NTN4: variants seen among roughly 807,000 people sequenced by gnomAD.
The protein encoded by NTN4 is netrin 4, also known as netrin-4.
In NTN4, 32 loss-of-function variants were observed where a neutral mutation model predicts 73.6. The ratio of observed to expected loss-of-function variants is 0.44; its 90% CI spans 0.33 to 0.58. The LOEUF (loss-of-function observed/expected upper bound fraction) is 0.58, where lower values mean the gene tolerates loss of function less well. Among genes scored for constraint, NTN4 ranks in the 20% least tolerant of loss-of-function variants. The pLI, the probability that NTN4 is intolerant of heterozygous loss-of-function variation, is 0.04. For missense variants in NTN4, 654 were observed against 798.3 expected, an observed-to-expected ratio of 0.82 and a Z score of 2.18; for synonymous variants, 258 against 287.5, an observed-to-expected ratio of 0.90 and a Z score of 1.04.
At chr12:95,693,284 G>GT (rs140914258) in intron 5 of NTN4, among the ~76,000 whole-genome samples, 23,299 of 147,726 alleles carry the variant, frequency 0.16, 2,311 homozygotes, top group Non-Finnish European at 0.21. Flanking sequence ...TTGTAGATAT[G>GT]TTTTTTTTTT....
At chr12:95,683,797 C>T (rs1592662974) in intron 5 of NTN4, 86 bp from the exon 6 acceptor site, 2 of 918,608 alleles carry the variant, frequency 2.2e-6, no homozygotes, top group East Asian at 5.3e-5. Context: ...CAAGTGGCTT[C>T]CCTTCACCAC....
In NTN4 at chr12:95,708,448, C is replaced by T. The variant is rs543046830; in HGVS notation, c.1180+1993G>A. The stretch of plus-strand genomic sequence containing the variant: ...AACTACAGGCGCCCGCCACCACGCC[C>T]GGCTAATTTTTTGTATTTTTAGTAG... On this transcript the variant is annotated intron_variant, in intron 5 of 9. Coordinates refer to ENST00000343702, the MANE Select transcript of NTN4 (RefSeq NM_021229.4). Among the ~76,000 whole-genome samples, 166 of 151,846 alleles carry T rather than the reference C, an allele frequency of 1.1e-3. 1 individual carries two copies. Among genetic ancestry groups the T allele is most frequent in the Non-Finnish European group, 1.9e-3 (129 of 67,922 alleles).
intron 7 of NTN4, among the ~76,000 whole-genome samples, chr12:95,676,861 T>C (rs995590597): frequency 6.6e-6 from 1 of 151,998 alleles, no homozygotes; most frequent in African/African-American, 2.4e-5. Flanking sequence ...AAAAAGAAGA[T>C]TAAGGACAGA....
intron 5 of NTN4, among the ~76,000 whole-genome samples, chr12:95,709,023 A>C (rs944395389): frequency 3.3e-5 from 5 of 152,204 alleles, no homozygotes; most frequent in African/African-American, 1.2e-4. Context: ...CTTGGTGTGG[A>C]AAGTGAGCAG....
chr12:95,708,332 G>A (rs1303706527), intron 5 of NTN4, among the ~76,000 whole-genome samples: 3 of 150,858 alleles, frequency 2.0e-5, no homozygotes, highest in African/African-American at 7.3e-5. Context: ...CTGTCGCCCA[G>A]GCTGGAGTGC....
intron 1 of NTN4, among the ~76,000 whole-genome samples, chr12:95,788,064 T>C (rs1261384657): frequency 2.0e-5 from 3 of 152,186 alleles, no homozygotes; most frequent in Non-Finnish European, 4.4e-5. Flanking sequence ...ATTTAATAAA[T>C]ATACAATGGG....
At chr12:95,777,160 A>G (rs2079099692) in intron 2 of NTN4, among the ~76,000 whole-genome samples, 1 of 152,228 alleles carries the variant, frequency 6.6e-6, no homozygotes, top group Non-Finnish European at 1.5e-5. Flanking sequence ...TCCTGAAGGA[A>G]GCACTAAACA....
intron 9 of NTN4, among the ~76,000 whole-genome samples, chr12:95,663,237 TAA>T (rs1184064767): frequency 6.6e-6 from 1 of 152,180 alleles, no homozygotes; most frequent in Non-Finnish European, 1.5e-5. Context: ...AGTATAAATA[TAA>T]GTTAAATTGA....
chr12:95,734,798 G>C lies in NTN4; in HGVS notation c.864+3068C>G, dbSNP rs561167456. On this transcript the variant is annotated intron_variant, in intron 3 of 9. Transcript: ENST00000343702. Reference sequence around the variant, plus strand: ...CTCACACCTGTAATCCCAGCACTTTGGGAGGCTGAGGCGGGTGGATCACCT... The same window carrying C: ...CTCACACCTGTAATCCCAGCACTTTCGGAGGCTGAGGCGGGTGGATCACCT... Among the ~76,000 whole-genome samples the C allele has an allele frequency of 3.2e-3, 493 of 152,302 alleles. 4 individuals carry two copies. Among genetic ancestry groups the C allele is most frequent in the African/African-American group, 0.011 (469 of 41,558 alleles).
intron 3 of NTN4, among the ~76,000 whole-genome samples, chr12:95,723,512 A>C (rs1466987030): frequency 6.6e-6 from 1 of 151,918 alleles, no homozygotes; most frequent in African/African-American, 2.4e-5. Context: ...TTGTAAATAC[A>C]TTTCAGCATT....
intron 4 of NTN4, 84 bp downstream of exon 4, chr12:95,713,128 T>C: frequency 6.6e-7 from 1 of 1,508,464 alleles, no homozygotes; most frequent in Non-Finnish European, 9.0e-7. Context: ...CCACTTTGTG[T>C]TGTATTTCTA....
chr12:95,689,739 G>T (rs915285961), intron 5 of NTN4, among the ~76,000 whole-genome samples: 2 of 152,202 alleles, frequency 1.3e-5, no homozygotes, highest in African/African-American at 4.8e-5. Flanking sequence ...CAAGGGACAG[G>T]TCCACCTTAT....
At chr12:95,702,995 T>G (rs1285623515) in intron 5 of NTN4, among the ~76,000 whole-genome samples, 2 of 151,934 alleles carry the variant, frequency 1.3e-5, no homozygotes, top group Non-Finnish European at 2.9e-5. Context: ...GCAGGTGGGA[T>G]TACATGTGCC....
chr12:95,732,376 TTCTC>T (rs966272703), intron 3 of NTN4, among the ~76,000 whole-genome samples: 6 of 150,868 alleles, frequency 4.0e-5, no homozygotes, highest in African/African-American at 7.3e-5. Context: ...GAGCTTTCTT[TTCTC>T]TCTCTCTTTC....
chr12:95,790,300 A>C lies in NTN4; in HGVS notation c.10T>G (p.Cys4Gly), dbSNP rs1176707062. 1.3e-6 allele frequency: 2 copies of C among 1,532,186 alleles called. No homozygotes were observed. The highest frequency in any genetic ancestry group is 2.4e-5 in the South Asian group (2 of 82,190). 94.9% of individuals were successfully genotyped at this position (1,532,186 alleles called of 1,614,324 possible). MGS[C>G]ARLLLLWGCT... ...CCCCAGAGCAGCAGCAGCCGCGCGC[A>C]GCTCCCCATGGCCGGGAGGAGCCGG... The change falls in exon 1 of 10, where the codon TGC becomes GGC. Residue 4 changes from cysteine to glycine, a missense_variant. Cys to Gly is a radical substitution (Grantham distance 159, BLOSUM62 -3). Transcript: ENST00000343702. This position sits in a 1 kb window ranked among gnomAD's most constrained non-coding sequence, Gnocchi z 6.5.
rs376034664 is a variant in NTN4 at position 95,710,638 on chromosome 12, A to C, written c.992-9T>G. On this transcript the variant is annotated splice_polypyrimidine_tract_variant and intron_variant, in intron 4 of 9. Transcript: ENST00000343702. ...CCCATTACACTTGCAGGCTGGAAAT[A>C]AGAAGCGTGGAGAGAAACACTAATA... The C allele has an allele frequency of 1.5e-5, 24 of 1,610,152 alleles. No individual in the cohort carries two copies. In the African/African-American group the frequency reaches 3.2e-4, roughly 21 times the overall value.
intron 8 of NTN4, among the ~76,000 whole-genome samples, chr12:95,667,268 C>CAACCTCCGCTTG (rs1450300966): frequency 2.0e-5 from 3 of 151,172 alleles, no homozygotes; most frequent in African/African-American, 7.3e-5. Context: ...TGGCTCACTG[C>CAACCTCCGCTTG]AACCTCCGCC....
chr12:95,680,862 C>T (rs989203864), intron 7 of NTN4, among the ~76,000 whole-genome samples: 5 of 152,082 alleles, frequency 3.3e-5, no homozygotes, highest in Admixed American at 2.0e-4. Context: ...TACAGGTGCA[C>T]GCCACCAAGC....
At chr12:95,737,599 CA>C (rs551237397) in intron 3 of NTN4, among the ~76,000 whole-genome samples, 14 of 152,204 alleles carry the variant, frequency 9.2e-5, no homozygotes, top group Non-Finnish European at 1.9e-4. Context: ...CACTCCTGCT[CA>C]CTTTACACTT....
Sources: gnomAD v4.1 joint callset for allele counts (sites outside exome capture counted in the v4.1 genomes callset) on GRCh38, gnomAD v4.1.1 for gene constraint, Gnocchi (gnomAD v3.1) non-coding constraint, MANE v1.5 for transcripts, NCBI Gene and HGNC (gene_info 2026-07-23, HGNC 2026-07-21) for gene names.